PPP5C: variants seen among roughly 807,000 people sequenced by gnomAD.
PPP5C encodes serine/threonine-protein phosphatase 5.
A neutral mutation model predicts 66.7 loss-of-function variants in PPP5C; 21 were observed. The observed-to-expected ratio is 0.31, with a 90% confidence interval of 0.22 to 0.45. The LOEUF (loss-of-function observed/expected upper bound fraction) is 0.45. Among genes scored for constraint, PPP5C ranks in the 20% least tolerant of loss-of-function variants. PPP5C has a pLI of 1.00. For synonymous variants in PPP5C, 246 were observed against 257.4 expected (o/e 0.96, Z 0.43); for missense variants, 464 against 675.9 (o/e 0.69, Z 3.48).
At chr19:46,374,264 C>T (rs551661809) in intron 2 of PPP5C, among the ~76,000 whole-genome samples, 2 of 152,278 alleles carry the variant, frequency 1.3e-5, no homozygotes, top group Admixed American at 6.5e-5. Context: ...TTCTGTCACA[C>T]CAACCTGCAG....
intron 2 of PPP5C, 127 bp from the exon 3 acceptor site, chr19:46,375,477 A>G: frequency 7.2e-7 from 1 of 1,386,634 alleles, no homozygotes; most frequent in African/African-American, 1.4e-5. Flanking sequence ...CTAGGGTTGC[A>G]CCATCAGCAC....
intron 2 of PPP5C, among the ~76,000 whole-genome samples, chr19:46,369,045 G>T (rs1477305563): frequency 6.6e-6 from 1 of 152,228 alleles, no homozygotes; most frequent in African/African-American, 2.4e-5. Flanking sequence ...TGGTAAGACA[G>T]TGTGGAGTGA....
intron 9 of PPP5C, chr19:46,387,735 A>AGGG (rs1972916403): frequency 7.3e-7 from 1 of 1,362,730 alleles, no homozygotes; most frequent in East Asian, 3.1e-5. Context: ...CCCTGGAAGG[A>AGGG]GGGGAGGTCT....
At chr19:46,385,329 G>T (rs778526787) in intron 7 of PPP5C, among the ~76,000 whole-genome samples, 2 of 152,150 alleles carry the variant, frequency 1.3e-5, no homozygotes, top group Non-Finnish European at 2.9e-5. Flanking sequence ...CTTGGTGTCA[G>T]ATTTGGGTTC....
At chr19:46,362,151 C>G (rs1219285929) in intron 2 of PPP5C, among the ~76,000 whole-genome samples, 1 of 152,186 alleles carries the variant, frequency 6.6e-6, no homozygotes, top group Non-Finnish European at 1.5e-5. Context: ...AGAATTGTTT[C>G]TCTTGGTTAT....
At chr19:46,389,150 C>A (rs1972945839) in intron 11 of PPP5C, among the ~76,000 whole-genome samples, 1 of 151,938 alleles carries the variant, frequency 6.6e-6, no homozygotes, top group Admixed American at 6.6e-5. Context: ...ATGGTGAAAC[C>A]CCATCTCTAC....
In PPP5C at chr19:46,383,259, C is replaced by T. The variant is rs768332494; in HGVS notation, c.634-152C>T. On this transcript the variant is annotated intron_variant, in intron 4 of 12. Transcript: ENST00000012443. This position sits in a 1 kb window ranked among gnomAD's most constrained non-coding sequence, Gnocchi z 5.0. ...GGCTGCCTCCGGCCCCGCCTGCTCC[C>T]GCTCCCCCAGGCCTGCCCTGCCCTT... The T allele has an allele frequency of 5.7e-5, 88 of 1,544,996 alleles. No homozygotes were observed. The highest frequency in any genetic ancestry group is 4.8e-4 in the African/African-American group (35 of 73,036).
At chr19:46,362,153 C>T (rs1261396222) in intron 2 of PPP5C, among the ~76,000 whole-genome samples, 5 of 152,186 alleles carry the variant, frequency 3.3e-5, no homozygotes, top group Admixed American at 6.5e-5. Context: ...AATTGTTTCT[C>T]TTGGTTATCA....
At position 46,388,750 on chromosome 19, in the gene PPP5C, A is replaced by T. The variant is rs372389193; in HGVS notation, c.1355+19A>T. 3.1e-6 allele frequency: 5 copies of T among 1,608,726 alleles called. No homozygotes were observed. In the South Asian group the frequency reaches 5.5e-5, roughly 18 times the overall value. On this transcript the variant is annotated intron_variant, in intron 11 of 12. Transcript: ENST00000012443. The surrounding 1 kb of genome is among the most constrained non-coding windows in gnomAD (Gnocchi z 4.9). ...ACTACTGGTATGTCTTTGCCTTTCC[A>T]GCCCAGGGCCTCTACCAAGCCACGG... is the stretch of plus-strand genomic sequence containing the variant.
In PPP5C at chr19:46,385,506, G is replaced by A. The variant is rs534780518; in HGVS notation, c.904+597G>A. 1.4e-3 allele frequency among the ~76,000 whole-genome samples: 214 copies of A among 152,260 alleles called. 1 individual carries two copies. The highest frequency in any genetic ancestry group is 4.9e-3 in the African/African-American group (203 of 41,532). On this transcript the variant is annotated intron_variant, in intron 7 of 12. Coordinates refer to ENST00000012443, the MANE Select transcript of PPP5C (RefSeq NM_006247.4). ...TAAACATTTTTTAAAAAGGCCAGGCGCAGTGGCTCATGCCTGTAATCCCAG... is the reference window on the plus strand; with the variant it reads ...TAAACATTTTTTAAAAAGGCCAGGCACAGTGGCTCATGCCTGTAATCCCAG...
chr19:46,360,471 A>C (rs1972364718), intron 2 of PPP5C, among the ~76,000 whole-genome samples: 1 of 152,024 alleles, frequency 6.6e-6, no homozygotes, highest in Admixed American at 6.6e-5. Flanking sequence ...ATTTGAAATT[A>C]GATTTTTCTT....
intron 2 of PPP5C, among the ~76,000 whole-genome samples, chr19:46,362,689 G>T (rs187442107): frequency 5.9e-4 from 90 of 152,056 alleles, no homozygotes; most frequent in African/African-American, 2.1e-3. Flanking sequence ...ATTATTGTAC[G>T]TTAGGCAAGT....
At chr19:46,372,236 CTG>C (rs1972606373) in intron 2 of PPP5C, among the ~76,000 whole-genome samples, 1 of 152,028 alleles carries the variant, frequency 6.6e-6, no homozygotes, top group Non-Finnish European at 1.5e-5. Flanking sequence ...CAGAATCTCA[CTG>C]TGTTACCCAG....
Position 46,383,194 on chromosome 19 carries a change from A to C in PPP5C, c.634-217A>C. The C allele has an allele frequency of 6.6e-7, 1 of 1,506,520 alleles. No homozygotes were observed. Among genetic ancestry groups the C allele is most frequent in the South Asian group, 1.2e-5 (1 of 81,798 alleles). The allele number at this position is 1,506,520 out of a possible 1,614,324, so 93.3% of individuals were successfully genotyped here. A position where few individuals can be genotyped will look rare whatever the true frequency, so the allele number is the denominator to read the frequency against. Reference sequence around the variant, plus strand: ...AAGAATCAGGTTTTCGTACAAAACAATCGCAATGCTTCGGCACTGCACAGG... The same window carrying C: ...AAGAATCAGGTTTTCGTACAAAACACTCGCAATGCTTCGGCACTGCACAGG... On this transcript the variant is annotated intron_variant, in intron 4 of 12. Transcript: ENST00000012443. This position sits in a 1 kb window ranked among gnomAD's most constrained non-coding sequence, Gnocchi z 5.0.
rs370398299 is a variant in PPP5C, at chr19:46,388,182, AGGGGATTGAAT to A, written c.1136-221_1136-211del. On this transcript the variant is annotated intron_variant, in intron 9 of 12. Transcript: ENST00000012443. This position sits in a 1 kb window ranked among gnomAD's most constrained non-coding sequence, Gnocchi z 4.9. Reference sequence around the variant, plus strand: ...AAGCTCTATCTGGCTTCGGGGCCACAGGGGATTGAATGGGGTCTGGAGGGCAGATCAGCAGA... The same window carrying A: ...AAGCTCTATCTGGCTTCGGGGCCACAGGGGTCTGGAGGGCAGATCAGCAGA... 1.7e-3 allele frequency: 907 copies of A among 521,888 alleles called. 4 individuals carry two copies. Among genetic ancestry groups the A allele is most frequent in the African/African-American group, 0.014 (724 of 53,050 alleles). 32.3% of individuals were successfully genotyped at this position (521,888 alleles called of 1,614,324 possible). A position where few individuals can be genotyped will look rare whatever the true frequency, so the allele number is the denominator to read the frequency against.
At chr19:46,369,538 A>G (rs1367653824) in intron 2 of PPP5C, among the ~76,000 whole-genome samples, 1 of 151,428 alleles carries the variant, frequency 6.6e-6, no homozygotes, top group Non-Finnish European at 1.5e-5. Context: ...GGGCTGAGGC[A>G]GGAGAATGGC....
intron 2 of PPP5C, among the ~76,000 whole-genome samples, chr19:46,362,901 C>T (rs945469852): frequency 6.9e-4 from 104 of 150,990 alleles, no homozygotes; most frequent in Non-Finnish European, 6.1e-4. Flanking sequence ...CATTCCCCTG[C>T]CTCAGCCTCC....
At chr19:46,361,109 C>T (rs1972377063) in intron 2 of PPP5C, among the ~76,000 whole-genome samples, 1 of 149,596 alleles carries the variant, frequency 6.7e-6, no homozygotes, top group African/African-American at 2.5e-5. Flanking sequence ...GCAATTTACC[C>T]AAAAGATAAG....
intron 2 of PPP5C, among the ~76,000 whole-genome samples, chr19:46,361,522 G>A (rs1166640323): frequency 1.4e-5 from 2 of 145,140 alleles, no homozygotes; most frequent in African/African-American, 2.5e-5. Flanking sequence ...TGAGGCAGGC[G>A]GATCATGAGG....
Sources: allele counts gnomAD v4.1 joint callset (sites outside exome capture counted in the v4.1 genomes callset), GRCh38; gene constraint gnomAD v4.1.1; non-coding constraint Gnocchi (gnomAD v3.1); transcripts MANE v1.5; gene names NCBI Gene and HGNC (gene_info 2026-07-23, HGNC 2026-07-21).